The following LPA variants were observed in gnomAD, a reference collection of about 807,000 sequenced individuals.
The protein encoded by LPA is lipoprotein(a).
In LPA, 199 loss-of-function variants were observed where a neutral mutation model predicts 197.9. That is an observed-to-expected ratio of 1.01 (90% CI 0.90 to 1.13). LPA has a LOEUF of 1.13. LPA is among the 50% of genes most tolerant of loss of function. LPA has a pLI of 0.00. For missense variants in LPA, 1,853 were observed against 1,785.8 expected (o/e 1.04, Z -0.68); for synonymous variants, 715 against 639.5 (o/e 1.12, Z -1.78).
At chr6:160,648,460 C>T (rs1011079070) in intron 2 of LPA, among the ~76,000 whole-genome samples, 1 of 152,122 alleles carries the variant, frequency 6.6e-6, no homozygotes, top group African/African-American at 2.4e-5. Context: ...ATCTCCTTCC[C>T]CCTTTCTGTG....
chr6:160,600,087 C>T (rs1286727299), intron 19 of LPA, among the ~76,000 whole-genome samples: 3 of 152,166 alleles, frequency 2.0e-5, no homozygotes, highest in African/African-American at 4.8e-5. Context: ...AAAAACCTTG[C>T]ATGTGTCCCT....
At chr6:160,611,049 C>G (rs1779496645) in intron 16 of LPA, among the ~76,000 whole-genome samples, 1 of 152,204 alleles carries the variant, frequency 6.6e-6, no homozygotes, top group South Asian at 2.1e-4. Context: ...TGCTGGGAAC[C>G]TCTATCCTTT....
intron 20 of LPA, 81 bp downstream of exon 20, chr6:160,599,419 G>T: frequency 6.3e-7 from 1 of 1,577,966 alleles, no homozygotes; most frequent in African/African-American, 1.3e-5. Context: ...TGAGTCCTGA[G>T]CAGTCACCTT....
intron 26 of LPA, 123 bp downstream of exon 26, chr6:160,584,923 A>T: frequency 1.0e-6 from 1 of 996,966 alleles, no homozygotes; most frequent in South Asian, 1.3e-5. Flanking sequence ...TTCCTGAGAC[A>T]TTTTGCTACA....
In LPA at chr6:160,589,627, T is replaced by C. The variant is rs369496737; in HGVS notation, c.3873A>G (p.Thr1291=). 106 of 1,613,874 alleles carry C rather than the reference T, an allele frequency of 6.6e-5. No homozygotes were observed. Among genetic ancestry groups the C allele is most frequent in the Non-Finnish European group, 8.6e-5 (102 of 1,179,876 alleles). Residue 1291 remains threonine, a synonymous_variant, in exon 24 of 39, where the codon ACA becomes ACG. Coordinates refer to ENST00000316300, the MANE Select transcript of LPA (RefSeq NM_005577.4). ...AGGACCAAGACTGACATGTCCTTCC[T>C]GTAACAGTGGTGGAGAATGAGCCTC... ...SYRGSFSTTV[T]GRTCQSWSSM... is the part of the protein sequence containing the mutation.
At position 160,602,070 on chromosome 6, in the gene LPA, C is replaced by T. The variant is rs60321597; in HGVS notation, c.2946-972G>A. On this transcript the variant is annotated intron_variant, in intron 18 of 38. Transcript: ENST00000316300. ...CGTGACCTGTGGCTGCCTGGGAAAA[C>T]GGGAAATGTATTATGGGCCATGGGG... 5.0e-3 allele frequency among the ~76,000 whole-genome samples: 760 copies of T among 152,212 alleles called. 11 individuals are homozygous for T. Among genetic ancestry groups the T allele is most frequent in the African/African-American group, 0.018 (729 of 41,520 alleles).
Position 160,532,608 on chromosome 6 carries a change from C to T in LPA, c.5884G>A (p.Val1962Ile). The T allele has an allele frequency of 1.2e-6, 2 of 1,613,486 alleles. No individual in the cohort carries two copies. The highest frequency in any genetic ancestry group is 1.7e-6 in the Non-Finnish European group (2 of 1,179,494). ...TGLLKEAQLL[V>I]IENEVCNHYK... ...TGATTGCACACTTCATTCTCAATAACAAGGAGCTGGGCTTCCTTGAGAAGG... is the reference window on the plus strand; with the variant it reads ...TGATTGCACACTTCATTCTCAATAATAAGGAGCTGGGCTTCCTTGAGAAGG... Residue 1962 changes from valine to isoleucine, a missense_variant, in exon 38 of 39, where the codon GTT becomes ATT. Transcript: ENST00000316300.
At chr6:160,587,872 T>C (rs1448799011) in intron 24 of LPA, among the ~76,000 whole-genome samples, 3 of 151,534 alleles carry the variant, frequency 2.0e-5, no homozygotes, top group Non-Finnish European at 1.5e-5. Context: ...TAGGTCACCT[T>C]TCCTACCGTA....
At position 160,574,869 on chromosome 6, in the gene LPA, C is replaced by T. The variant is rs367758636; in HGVS notation, c.4631+2267G>A. Among the ~76,000 whole-genome samples, 24 of 152,276 alleles carry T rather than the reference C, an allele frequency of 1.6e-4. 1 individual carries two copies. Among genetic ancestry groups the T allele is most frequent in the African/African-American group, 5.5e-4 (23 of 41,560 alleles). On this transcript the variant is annotated intron_variant, in intron 28 of 38. Coordinates refer to ENST00000316300, the MANE Select transcript of LPA (RefSeq NM_005577.4). ...ATGGGGCTAAAATTCACAATATGAG[C>T]CTCTGCATGCTGCTCTGTCCAGAGC...
intron 1 of LPA, among the ~76,000 whole-genome samples, chr6:160,656,352 G>A (rs936922652): frequency 6.6e-5 from 10 of 152,148 alleles, no homozygotes; most frequent in African/African-American, 2.2e-4. Context: ...CTACCAGTCA[G>A]GGAGCCAATG....
Position 160,586,385 on chromosome 6 carries a change from A to T in LPA, c.4129+64T>A, listed in dbSNP as rs1778910094. The T allele has an allele frequency of 3.1e-6, 5 of 1,588,892 alleles. No homozygotes were observed. The South Asian group carries it at 5.5e-5, about 18-fold the overall frequency. ...AGCATGGAAGTTTTCTGCATCACAAAGATTTTGCAAATCTTTTTATCCCAA... is the reference window on the plus strand; with the variant it reads ...AGCATGGAAGTTTTCTGCATCACAATGATTTTGCAAATCTTTTTATCCCAA... On this transcript the variant is annotated intron_variant, in intron 25 of 38. Transcript: ENST00000316300.
chr6:160,593,810 T>C, intron 22 of LPA, 148 bp downstream of exon 22: 1 of 962,714 alleles, frequency 1.0e-6, no homozygotes, highest in Admixed American at 1.9e-5. Context: ...TTTCAGACAC[T>C]GTGCCTGAAG....
chr6:160,641,086 G>T (rs569944069), intron 4 of LPA, among the ~76,000 whole-genome samples: 2 of 137,614 alleles, frequency 1.5e-5, no homozygotes, highest in Admixed American at 1.4e-4. Context: ...AGTAGCAAAC[G>T]CTTCTTAGAA....
At chr6:160,567,955 A>G (rs1419870445) in intron 28 of LPA, among the ~76,000 whole-genome samples, 1 of 152,234 alleles carries the variant, frequency 6.6e-6, no homozygotes, top group African/African-American at 2.4e-5. Flanking sequence ...AAAGAAATTG[A>G]ATCCTTGAAT....
intron 22 of LPA, 39 bp downstream of exon 22, chr6:160,593,919 G>C (rs755560331): frequency 1.9e-6 from 3 of 1,610,688 alleles, no homozygotes; most frequent in South Asian, 1.1e-5. Flanking sequence ...AAATGTAAGG[G>C]GGCTGCTGTC....
chr6:160,634,884 G>A (rs1779776978), intron 7 of LPA, among the ~76,000 whole-genome samples: 1 of 150,142 alleles, frequency 6.7e-6, no homozygotes. Flanking sequence ...GAGGTGAGTT[G>A]TGAAGCCCAT....
chr6:160,556,774 G>A (rs1297215645), intron 29 of LPA, among the ~76,000 whole-genome samples: 3 of 152,092 alleles, frequency 2.0e-5, no homozygotes, highest in Non-Finnish European at 4.4e-5. Flanking sequence ...CAAAGCAGAA[G>A]TCTACTACCC....
chr6:160,531,660 A>G lies in LPA; in HGVS notation c.*69T>C. On this transcript the variant is annotated 3_prime_UTR_variant, in exon 39 of 39. Transcript: ENST00000316300. ...CGTTTGATTGCTGTCTATTATTTCC[A>G]GCATGCTAAATCCTTACCCACGTTT... 6.3e-7 allele frequency: 1 copy of G among 1,581,414 alleles called. No individual in the cohort carries two copies. The highest frequency in any genetic ancestry group is 8.7e-7 in the Non-Finnish European group (1 of 1,150,808).
intron 16 of LPA, 92 bp from the exon 17 acceptor site, chr6:160,606,750 ACCAGTG>A: frequency 2.6e-6 from 4 of 1,534,064 alleles, no homozygotes; most frequent in East Asian, 2.3e-5. Context: ...CAAGGTCATT[ACCAGTG>A]CCTTTCTAAT....
Sources: gnomAD v4.1 joint callset for allele counts (sites outside exome capture counted in the v4.1 genomes callset) on GRCh38, gnomAD v4.1.1 for gene constraint, MANE v1.5 for transcripts, NCBI Gene and HGNC (gene_info 2026-07-23, HGNC 2026-07-21) for gene names.